Variants in CLTCL1 observed in about 807,000 individuals in gnomAD.
The protein encoded by CLTCL1 is clathrin heavy chain like 1, also known as clathrin heavy chain 2.
A neutral mutation model predicts 190.0 loss-of-function variants in CLTCL1; 159 were observed. That is an observed-to-expected ratio of 0.84 (90% confidence interval 0.74 to 0.95). The LOEUF is 0.95. Ranked by LOEUF, CLTCL1 falls within the 40% of genes least tolerant of loss-of-function variation. The pLI, the probability that CLTCL1 is intolerant of heterozygous loss-of-function variation, is 0.00. For synonymous variants in CLTCL1, 752 were observed against 769.6 expected, an observed-to-expected ratio of 0.98 and a Z score of 0.38; for missense variants, 1,878 against 2,033.4, an observed-to-expected ratio of 0.92 and a Z score of 1.47.
chr22:19,203,236 A>G (rs2084951925), intron 22 of CLTCL1, among the ~76,000 whole-genome samples: 1 of 152,110 alleles, frequency 6.6e-6, no homozygotes, highest in South Asian at 2.1e-4. Flanking sequence ...AATGGCTTGA[A>G]CCTGGGAGGC....
intron 1 of CLTCL1, 55 bp from the exon 2 acceptor site, chr22:19,275,885 G>A: frequency 7.0e-7 from 1 of 1,437,404 alleles, no homozygotes; most frequent in Non-Finnish European, 9.5e-7. Context: ...TGGACTGACT[G>A]TAGCCAAAGG....
intron 22 of CLTCL1, among the ~76,000 whole-genome samples, chr22:19,206,318 C>T (rs1555942683): frequency 1.3e-5 from 2 of 152,224 alleles, no homozygotes; most frequent in African/African-American, 4.8e-5. Context: ...TCACAGCTCA[C>T]TGCAGCCTTG....
chr22:19,237,603 T>C (rs1035427877), intron 5 of CLTCL1, among the ~76,000 whole-genome samples: 7 of 152,216 alleles, frequency 4.6e-5, no homozygotes, highest in Non-Finnish European at 7.3e-5. Flanking sequence ...GAGCACAATG[T>C]TCCTTATAGT....
At chr22:19,253,673 C>T (rs1456418429) in intron 3 of CLTCL1, among the ~76,000 whole-genome samples, 1 of 151,628 alleles carries the variant, frequency 6.6e-6, no homozygotes, top group Non-Finnish European at 1.5e-5. Context: ...CTCTCAGTTC[C>T]AGGCCTACTT....
chr22:19,220,156 G>T, intron 17 of CLTCL1, 149 bp from the exon 18 acceptor site: 1 of 957,780 alleles, frequency 1.0e-6, no homozygotes, highest in South Asian at 1.5e-5. Context: ...GACATGGGAT[G>T]AGCAGCATCC....
At chr22:19,214,806 G>C (rs1180759535) in intron 19 of CLTCL1, among the ~76,000 whole-genome samples, 1 of 151,088 alleles carries the variant, frequency 6.6e-6, no homozygotes, top group East Asian at 2.0e-4. Flanking sequence ...TCAGCCTCCC[G>C]AGTAGCTGGG....
chr22:19,265,486 T>C (rs117098863), intron 2 of CLTCL1, among the ~76,000 whole-genome samples: 1,714 of 152,198 alleles, frequency 0.011, 17 homozygotes, highest in Non-Finnish European at 0.017. Context: ...GTTTATAACA[T>C]ATATAGATGC....
chr22:19,265,522 T>C (rs782589285), intron 2 of CLTCL1, among the ~76,000 whole-genome samples: 1 of 151,968 alleles, frequency 6.6e-6, no homozygotes, highest in African/African-American at 2.4e-5. Context: ...TTTCTCTTTT[T>C]TAATATATTT....
chr22:19,263,248 C>T (rs1286161987), intron 2 of CLTCL1, among the ~76,000 whole-genome samples: 1 of 148,382 alleles, frequency 6.7e-6, no homozygotes, highest in Non-Finnish European at 1.5e-5. Context: ...GCGTGCACCA[C>T]CACACCCAGA....
chr22:19,282,567 T>TG (rs1555987449), intron 1 of CLTCL1, among the ~76,000 whole-genome samples: 2 of 148,180 alleles, frequency 1.3e-5, no homozygotes, highest in African/African-American at 5.0e-5. Context: ...AGGTGGAGGC[T>TG]GCAGCAAGCC....
At chr22:19,185,326 CT>C (rs58151537) in intron 29 of CLTCL1, among the ~76,000 whole-genome samples, 2,009 of 143,836 alleles carry the variant, frequency 0.014, 22 homozygotes, top group African/African-American at 0.028. Context: ...CGGCCACTTT[CT>C]TTTTTTTTTT....
At position 19,221,986 on chromosome 22, in the gene CLTCL1, A is replaced by T. The variant is rs1555952769; in HGVS notation, c.2526T>A (p.Thr842=). Residue 842 remains threonine, a synonymous_variant, in exon 16 of 33, where the codon ACT becomes ACA. Coordinates refer to ENST00000427926, the MANE Select transcript of CLTCL1 (RefSeq NM_007098.4). ...LIMAVRGQFS[T]DELVAEVEKR... Reference sequence around the variant, plus strand: ...TTTCTACTTCAGCCACCAACTCATCAGTAGAGAACTGTCCTCTCACTGCCA... The same window carrying T: ...TTTCTACTTCAGCCACCAACTCATCTGTAGAGAACTGTCCTCTCACTGCCA... The T allele has an allele frequency of 6.2e-7, 1 of 1,614,000 alleles. No individual in the cohort carries two copies. Among genetic ancestry groups the T allele is most frequent in the East Asian group, 2.2e-5 (1 of 44,874 alleles).
intron 22 of CLTCL1, among the ~76,000 whole-genome samples, chr22:19,204,772 CAT>C (rs2084999992): frequency 6.6e-6 from 1 of 152,198 alleles, no homozygotes; most frequent in Non-Finnish European, 1.5e-5. Context: ...CTGTGGGAAA[CAT>C]ACACAAACCA....
chr22:19,264,100 C>G lies in CLTCL1; in HGVS notation c.251-9873G>C, dbSNP rs10222240. On this transcript the variant is annotated intron_variant, in intron 2 of 32. Coordinates refer to ENST00000427926, the MANE Select transcript of CLTCL1 (RefSeq NM_007098.4). ...ATGTGAGGCCAAGAGTTTAAGACAGCCTGGGCAACATGGCAAGACCCTGTC... is the reference window on the plus strand; with the variant it reads ...ATGTGAGGCCAAGAGTTTAAGACAGGCTGGGCAACATGGCAAGACCCTGTC... 4.8e-3 allele frequency among the ~76,000 whole-genome samples: 729 copies of G among 152,166 alleles called. 6 individuals are homozygous for G. The highest frequency in any genetic ancestry group is 0.016 in the African/African-American group (658 of 41,496).
chr22:19,276,892 T>G (rs1601721695), intron 1 of CLTCL1, among the ~76,000 whole-genome samples: 1 of 152,252 alleles, frequency 6.6e-6, no homozygotes, highest in Admixed American at 6.5e-5. Context: ...CAGGATGGTC[T>G]CAATCTCCTG....
intron 27 of CLTCL1, among the ~76,000 whole-genome samples, chr22:19,191,066 G>A (rs921672065): frequency 1.9e-4 from 29 of 152,120 alleles, no homozygotes; most frequent in Non-Finnish European, 2.9e-4. Context: ...GTGAGCCACC[G>A]CACCCGGCCA....
intron 2 of CLTCL1, among the ~76,000 whole-genome samples, chr22:19,273,056 A>G (rs1555981491): frequency 1.3e-5 from 2 of 150,010 alleles, no homozygotes; most frequent in Non-Finnish European, 2.9e-5. Flanking sequence ...ACCCCCCCAC[A>G]CACCCTGTAT....
intron 11 of CLTCL1, among the ~76,000 whole-genome samples, chr22:19,229,423 G>A (rs1311625388): frequency 6.6e-6 from 1 of 152,188 alleles, no homozygotes; most frequent in Non-Finnish European, 1.5e-5. Flanking sequence ...CAGTTGTCAG[G>A]GGCTGGGAAA....
intron 2 of CLTCL1, among the ~76,000 whole-genome samples, chr22:19,261,114 C>T (rs2086933902): frequency 6.8e-6 from 1 of 146,856 alleles, no homozygotes; most frequent in African/African-American, 2.6e-5. Context: ...TTAAGAAATG[C>T]ATTTTTTTTT....
Sources: allele counts gnomAD v4.1 joint callset (sites outside exome capture counted in the v4.1 genomes callset), GRCh38; gene constraint gnomAD v4.1.1; transcripts MANE v1.5; gene names NCBI Gene and HGNC (gene_info 2026-07-23, HGNC 2026-07-21).